Variants in FAM107B observed in about 807,000 individuals in gnomAD.
The protein encoded by FAM107B is protein FAM107B.
A neutral mutation model predicts 31.5 loss-of-function variants in FAM107B; 21 were observed. The ratio of observed to expected loss-of-function variants is 0.67; its 90% CI spans 0.47 to 0.96. FAM107B has a LOEUF of 0.96. Ranked by LOEUF, FAM107B falls within the 40% of genes least tolerant of loss-of-function variation. The pLI is 0.00. For synonymous variants in FAM107B, 157 were observed against 141.5 expected (o/e 1.11, Z -0.78); for missense variants, 452 against 377.1 (o/e 1.20, Z -1.64).
chr10:14,709,421 T>C (rs372304245), intron 1 of FAM107B, among the ~76,000 whole-genome samples: 3 of 152,134 alleles, frequency 2.0e-5, no homozygotes, highest in South Asian at 4.1e-4. Context: ...GTAAGTCATA[T>C]CTTACATGGA....
At chr10:14,593,607 T>C (rs1207577564) in intron 2 of FAM107B, among the ~76,000 whole-genome samples, 2 of 151,748 alleles carry the variant, frequency 1.3e-5, no homozygotes, top group African/African-American at 2.4e-5. Context: ...GGCAGGAGAA[T>C]CGCTTGAACC....
intron 1 of FAM107B, among the ~76,000 whole-genome samples, chr10:14,726,096 C>T (rs575360667): frequency 2.6e-5 from 4 of 152,186 alleles, no homozygotes; most frequent in South Asian, 2.1e-4. Context: ...CGGGTTCAAG[C>T]GATTCTCCTG....
intron 2 of FAM107B, among the ~76,000 whole-genome samples, chr10:14,611,513 TA>T (rs1852726137): frequency 1.2e-5 from 1 of 86,592 alleles, no homozygotes; most frequent in Non-Finnish European, 2.7e-5. Flanking sequence ...TATATATATA[TA>T]TATATATATA....
At chr10:14,679,122 A>T (rs942591714) in intron 1 of FAM107B, among the ~76,000 whole-genome samples, 1 of 150,534 alleles carries the variant, frequency 6.6e-6, no homozygotes, top group East Asian at 2.0e-4. Flanking sequence ...AAAAAAGTCA[A>T]GGTAATTTGT....
chr10:14,750,891 T>G (rs1054781930), intron 1 of FAM107B, among the ~76,000 whole-genome samples: 2 of 152,086 alleles, frequency 1.3e-5, no homozygotes, highest in African/African-American at 4.8e-5. Flanking sequence ...CTGAAGGCTG[T>G]GGGGTGCATG....
chr10:14,755,196 C>T (rs1267423441), intron 1 of FAM107B, among the ~76,000 whole-genome samples: 1 of 152,064 alleles, frequency 6.6e-6, no homozygotes, highest in Non-Finnish European at 1.5e-5. Context: ...CTAAATGAAA[C>T]TTAAAATAAT....
chr10:14,759,903 G>C (rs1011874479), intron 1 of FAM107B, among the ~76,000 whole-genome samples: 4 of 151,998 alleles, frequency 2.6e-5, no homozygotes, highest in South Asian at 4.2e-4. Flanking sequence ...GTAGAGCCAG[G>C]GTTCCACCAT....
At chr10:14,650,918 A>G (rs1453523870) in intron 2 of FAM107B, among the ~76,000 whole-genome samples, 2 of 152,250 alleles carry the variant, frequency 1.3e-5, no homozygotes, top group Non-Finnish European at 1.5e-5. Context: ...TTCAGCGTTA[A>G]GTGTTAATGA....
At chr10:14,758,069 C>T (rs897535112) in intron 1 of FAM107B, among the ~76,000 whole-genome samples, 1 of 152,078 alleles carries the variant, frequency 6.6e-6, no homozygotes, top group African/African-American at 2.4e-5. Flanking sequence ...CTCTGTGCAG[C>T]GCTCATAAGC....
At chr10:14,662,168 G>C (rs923763719) in intron 2 of FAM107B, among the ~76,000 whole-genome samples, 1 of 152,076 alleles carries the variant, frequency 6.6e-6, no homozygotes, top group African/African-American at 2.4e-5. Flanking sequence ...GGATTGCAAC[G>C]CATCTTTAAA....
intron 2 of FAM107B, among the ~76,000 whole-genome samples, chr10:14,645,970 T>C (rs1232562703): frequency 1.3e-5 from 2 of 152,170 alleles, no homozygotes; most frequent in African/African-American, 4.8e-5. Context: ...TCGATTTATC[T>C]GCAGAACAGA....
intron 1 of FAM107B, among the ~76,000 whole-genome samples, chr10:14,707,428 G>C (rs1381789444): frequency 6.6e-6 from 1 of 152,190 alleles, no homozygotes; most frequent in Admixed American, 6.5e-5. Flanking sequence ...TGCGTTCCCA[G>C]GTATCTCCCT....
At chr10:14,618,343 A>C (rs550192419) in intron 2 of FAM107B, among the ~76,000 whole-genome samples, 1 of 152,264 alleles carries the variant, frequency 6.6e-6, no homozygotes, top group South Asian at 2.1e-4. Flanking sequence ...GGTGACTATG[A>C]ATAAAGCCGT....
intron 2 of FAM107B, among the ~76,000 whole-genome samples, chr10:14,559,799 G>T (rs973492063): frequency 1.3e-5 from 2 of 149,604 alleles, no homozygotes; most frequent in African/African-American, 2.5e-5. Flanking sequence ...TCAATCTCCT[G>T]ACCTCGTGAT....
At chr10:14,527,993 C>A (rs915081341) in intron 3 of FAM107B, 11 of 349,998 alleles carry the variant, frequency 3.1e-5, no homozygotes, top group Non-Finnish European at 5.5e-5. Flanking sequence ...TTGAAATCTG[C>A]CTTTTCTTTT....
chr10:14,684,305 A>G (rs895483954), intron 1 of FAM107B, among the ~76,000 whole-genome samples: 3 of 152,066 alleles, frequency 2.0e-5, no homozygotes, highest in African/African-American at 7.2e-5. Flanking sequence ...ATAAAAAATT[A>G]GCCAGGTGTG....
intron 1 of FAM107B, among the ~76,000 whole-genome samples, chr10:14,724,972 A>C (rs78445110): frequency 0.012 from 1,838 of 152,364 alleles, 30 homozygotes; most frequent in African/African-American, 0.041. Context: ...CATAACTTCA[A>C]AAGGCTGCAA....
chr10:14,701,377 T>A (rs1263535783), intron 1 of FAM107B, among the ~76,000 whole-genome samples: 1 of 152,130 alleles, frequency 6.6e-6, no homozygotes, highest in African/African-American at 2.4e-5. Flanking sequence ...CCTGAGAAGC[T>A]GGGATCCCAG....
Position 14,663,792 on chromosome 10 carries a change from G to A in FAM107B, c.469+3842C>T, listed in dbSNP as rs116092836. Among the ~76,000 whole-genome samples the A allele has an allele frequency of 2.3e-3, 336 of 145,706 alleles. 2 individuals are homozygous for A. Among genetic ancestry groups the A allele is most frequent in the African/African-American group, 8.3e-3 (326 of 39,298 alleles). ...TAAGGACAGAGCACACTCCTAACTCGTCTGTCATTATCACGTGGGTGGCTC... is the reference window on the plus strand; with the variant it reads ...TAAGGACAGAGCACACTCCTAACTCATCTGTCATTATCACGTGGGTGGCTC... On this transcript the variant is annotated intron_variant, in intron 2 of 4. Transcript: ENST00000181796.
Sources: gnomAD v4.1 joint callset for allele counts (sites outside exome capture counted in the v4.1 genomes callset) on GRCh38, gnomAD v4.1.1 for gene constraint, MANE v1.5 for transcripts, NCBI Gene and HGNC (gene_info 2026-07-23, HGNC 2026-07-21) for gene names.